Variants in GNAO1 observed in about 807,000 individuals in gnomAD.
GNAO1 encodes G protein subunit alpha o1, also known as guanine nucleotide-binding protein G(o) subunit alpha.
For synonymous variants in GNAO1, 164 were observed against 180.7 expected (o/e 0.91, Z 0.74); for missense variants, 166 against 478.7 (o/e 0.35, Z 6.10).
chr16:56,307,746 G>A (rs753009393), intron 3 of GNAO1: 1 of 152,272 alleles, frequency 6.6e-6, no homozygotes, highest in Non-Finnish European at 1.5e-5. Flanking sequence ...ACACCATGGT[G>A]TCTGTCTTCC....
intron 2 of GNAO1, chr16:56,192,874 C>A: frequency 1.9e-6 from 1 of 522,630 alleles, no homozygotes; most frequent in Non-Finnish European, 3.4e-6. Flanking sequence ...ATGACAGTGT[C>A]CGCCATATTG....
At chr16:56,336,944 G>A (rs899142351) in intron 6 of GNAO1, 84 bp downstream of exon 6, 71 of 1,354,898 alleles carry the variant, frequency 5.2e-5, no homozygotes, top group African/African-American at 2.3e-4. Flanking sequence ...ACTGGGCCTC[G>A]GGTGCCCACA....
intron 4 of GNAO1, among the ~76,000 whole-genome samples, chr16:56,330,653 C>T (rs2617840): frequency 2.6e-5 from 4 of 152,128 alleles, no homozygotes; most frequent in African/African-American, 4.8e-5. Flanking sequence ...ACTCTGGAAT[C>T]GAGGGAGCTC....
chr16:56,318,659 CTGAA>C (rs2037539201), intron 3 of GNAO1, among the ~76,000 whole-genome samples: 1 of 152,198 alleles, frequency 6.6e-6, no homozygotes. Context: ...GAGGAAAGCT[CTGAA>C]TGATCCAAAG....
chr16:56,327,200 C>T (rs903094771), intron 3 of GNAO1, among the ~76,000 whole-genome samples: 5 of 152,066 alleles, frequency 3.3e-5, no homozygotes, highest in African/African-American at 7.2e-5. Context: ...CCAGGCTCCC[C>T]GAGTCCTCTT....
chr16:56,262,108 T>G (rs1037874166), intron 2 of GNAO1, among the ~76,000 whole-genome samples: 12 of 152,188 alleles, frequency 7.9e-5, no homozygotes, highest in Non-Finnish European at 1.5e-5. Context: ...GAAAGGATGG[T>G]TCCCCCAAGG....
intron 3 of GNAO1, among the ~76,000 whole-genome samples, chr16:56,292,824 C>G (rs1314487442): frequency 7.2e-5 from 11 of 152,354 alleles, no homozygotes; most frequent in African/African-American, 2.6e-4. Flanking sequence ...GGTATAAGCC[C>G]TAGTATGGTA....
intron 6 of GNAO1, chr16:56,347,228 G>A: frequency 2.0e-6 from 2 of 985,416 alleles, no homozygotes; most frequent in South Asian, 9.4e-5. Context: ...GAGCCTCTGG[G>A]AGCCTTCAGG....
intron 1 of GNAO1, 26 bp downstream of exon 1, chr16:56,192,379 T>TCCCCCCAC: frequency 1.5e-5 from 17 of 1,115,892 alleles, no homozygotes; most frequent in Admixed American, 6.4e-5. Context: ...GCTACCCCCA[T>TCCCCCCAC]CCCCCGACCC....
intron 6 of GNAO1, among the ~76,000 whole-genome samples, chr16:56,339,556 G>A (rs1381695308): frequency 1.3e-5 from 2 of 152,202 alleles, no homozygotes; most frequent in Non-Finnish European, 1.5e-5. Flanking sequence ...CCTGGGGTGA[G>A]AGCCTGCAAC....
intron 3 of GNAO1, among the ~76,000 whole-genome samples, chr16:56,309,534 G>GC (rs1374167121): frequency 2.7e-4 from 41 of 152,348 alleles, no homozygotes; most frequent in African/African-American, 9.4e-4. Flanking sequence ...AGAGAAGGGA[G>GC]CAGGAGGTCT....
chr16:56,335,418 C>T (rs756580281), intron 5 of GNAO1, among the ~76,000 whole-genome samples: 2 of 152,210 alleles, frequency 1.3e-5, no homozygotes, highest in Non-Finnish European at 2.9e-5. Context: ...GAGCTGGTTC[C>T]CAGGGTCCTG....
chr16:56,286,209 C>A (rs2037164991), intron 3 of GNAO1, among the ~76,000 whole-genome samples: 1 of 152,198 alleles, frequency 6.6e-6, no homozygotes, highest in Non-Finnish European at 1.5e-5. Flanking sequence ...CATCTGCACA[C>A]ACGCTCATCA....
chr16:56,355,153 C>CAT, intron 8 of GNAO1, 72 bp downstream of exon 8: 1 of 550,798 alleles, frequency 1.8e-6, no homozygotes, highest in South Asian at 3.5e-5. Flanking sequence ...CACACACACA[C>CAT]ACCACTAACA....
intron 2 of GNAO1, among the ~76,000 whole-genome samples, chr16:56,200,082 T>G (rs1352272792): frequency 6.6e-6 from 1 of 152,224 alleles, no homozygotes; most frequent in Non-Finnish European, 1.5e-5. Context: ...TGTAGAATAT[T>G]GTTACTTATG....
Position 56,218,320 on chromosome 16 carries a change from C to T in GNAO1, c.161+25704C>T, listed in dbSNP as rs954046403. ...TGAGTTGTATCTGGGCCTCCACTGC[C>T]TTGTGTAGTAGTTGAGGACAGACCA... On this transcript the variant is annotated intron_variant, in intron 2 of 8. Transcript: ENST00000262493. Among the ~76,000 whole-genome samples the T allele has an allele frequency of 4.6e-5, 7 of 152,322 alleles. No individual in the cohort carries two copies. The East Asian group carries it at 1.2e-3, about 25-fold the overall frequency.
At chr16:56,208,954 T>G (rs1439993406) in intron 2 of GNAO1, among the ~76,000 whole-genome samples, 2 of 152,176 alleles carry the variant, frequency 1.3e-5, no homozygotes, top group African/African-American at 4.8e-5. Flanking sequence ...GTTAATGGTG[T>G]TTTATGCTAA....
chr16:56,267,024 A>G (rs2036960763), intron 2 of GNAO1, among the ~76,000 whole-genome samples: 1 of 152,102 alleles, frequency 6.6e-6, no homozygotes, highest in African/African-American at 2.4e-5. Flanking sequence ...CTCAGTCTTG[A>G]TGGTATCCCC....
At position 56,326,208 on chromosome 16, in the gene GNAO1, C is replaced by A. The variant is rs2037630738; in HGVS notation, c.304-2423C>A. Among the ~76,000 whole-genome samples, 1 of 152,146 alleles carries A rather than the reference C, an allele frequency of 6.6e-6. No individual in the cohort carries two copies. The highest frequency in any genetic ancestry group is 6.5e-5 in the Admixed American group (1 of 15,276). On this transcript the variant is annotated intron_variant, in intron 3 of 8. Coordinates refer to ENST00000262493, the MANE Select transcript of GNAO1 (RefSeq NM_020988.3). The surrounding 1 kb of genome is among the most constrained non-coding windows in gnomAD (Gnocchi z 4.8). ...CTGGTGCACACCCTGAGGCGTGGTGCCCCAGGCGGGCAGTAGTCACTAGGC... is the reference window on the plus strand; with the variant it reads ...CTGGTGCACACCCTGAGGCGTGGTGACCCAGGCGGGCAGTAGTCACTAGGC...
Sources: gnomAD v4.1 joint callset for allele counts (sites outside exome capture counted in the v4.1 genomes callset) on GRCh38, gnomAD v4.1.1 for gene constraint, Gnocchi (gnomAD v3.1) non-coding constraint, MANE v1.5 for transcripts, NCBI Gene and HGNC (gene_info 2026-07-23, HGNC 2026-07-21) for gene names.